Variants in FMN1 observed in about 807,000 individuals in gnomAD.
FMN1 encodes formin 1, also known as formin-1.
FMN1 carries 110 observed loss-of-function variants against 132.4 expected under a neutral mutation model. The observed-to-expected ratio is 0.83, with a 90% CI of 0.71 to 0.97. The LOEUF (loss-of-function observed/expected upper bound fraction) is 0.97. Ranked by LOEUF, FMN1 falls within the 50% of genes least tolerant of loss-of-function variation. The pLI, the probability that FMN1 is intolerant of heterozygous loss-of-function variation, is 0.00. For synonymous variants in FMN1, 722 were observed against 651.7 expected (o/e 1.11, Z -1.64); for missense variants, 1,792 against 1,705.3 (o/e 1.05, Z -0.90).
Position 33,097,762 on chromosome 15 carries a change from C to A in FMN1, c.1868-8788G>T, listed in dbSNP as rs1454995. Among the ~76,000 whole-genome samples, 36 of 152,276 alleles carry A rather than the reference C, an allele frequency of 2.4e-4. 1 individual carries two copies. The South Asian group carries it at 7.1e-3, about 30-fold the overall frequency. The stretch of plus-strand genomic sequence containing the variant: ...GCATTAATAACAGAACTTCAAAATA[C>A]ATGAAGCAAAACTATCAGAACTGAA... On this transcript the variant is annotated intron_variant, in intron 4 of 20. Transcript: ENST00000616417.
intron 17 of FMN1, among the ~76,000 whole-genome samples, chr15:32,852,584 T>C (rs2059032920): frequency 6.6e-6 from 1 of 152,074 alleles, no homozygotes; most frequent in Non-Finnish European, 1.5e-5. Context: ...CCAGGCTGGT[T>C]TCAAACTCCT....
At chr15:32,838,097 C>T (rs745330817) in intron 17 of FMN1, among the ~76,000 whole-genome samples, 4 of 151,966 alleles carry the variant, frequency 2.6e-5, no homozygotes, top group Admixed American at 6.6e-5. Flanking sequence ...AAGGCCGGCA[C>T]GTTCACAACA....
chr15:32,993,967 G>A (rs1419913869), intron 7 of FMN1, among the ~76,000 whole-genome samples: 1 of 151,964 alleles, frequency 6.6e-6, no homozygotes, highest in Non-Finnish European at 1.5e-5. Flanking sequence ...CCTCTGCTCA[G>A]AATTAGTCAG....
intron 6 of FMN1, among the ~76,000 whole-genome samples, chr15:33,041,807 G>A (rs1282674303): frequency 6.6e-6 from 1 of 152,126 alleles, no homozygotes; most frequent in African/African-American, 2.4e-5. Context: ...AATGCACATA[G>A]TGTCAGTTTT....
intron 9 of FMN1, among the ~76,000 whole-genome samples, chr15:32,934,619 G>GTTTT (rs1567421700): frequency 1.4e-5 from 2 of 139,660 alleles, no homozygotes; most frequent in Non-Finnish European, 1.5e-5. Flanking sequence ...TTTTTTTTGG[G>GTTTT]TGGGGAGGAC....
chr15:32,814,837 G>A (rs1352081180), intron 17 of FMN1, among the ~76,000 whole-genome samples: 3 of 152,066 alleles, frequency 2.0e-5, no homozygotes, highest in African/African-American at 7.2e-5. Context: ...TTTATAAATC[G>A]GTAACTTGTT....
At chr15:33,013,641 C>T (rs11633931) in intron 6 of FMN1, among the ~76,000 whole-genome samples, 53,230 of 151,974 alleles carry the variant, frequency 0.35, 9,489 homozygotes, top group African/African-American at 0.41. Context: ...ACATTCGTTT[C>T]CTCAAATATC....
intron 7 of FMN1, among the ~76,000 whole-genome samples, chr15:32,978,060 T>C (rs1004774369): frequency 2.6e-5 from 4 of 152,070 alleles, no homozygotes; most frequent in African/African-American, 9.7e-5. Context: ...TTTCACCATG[T>C]TGGCCAGGAT....
rs752816612 is a variant in FMN1 at position 32,769,726 on chromosome 15, CCACA to C, written c.*4580_*4583del. 2.6e-5 allele frequency: 4 copies of C among 152,204 alleles called. No individual in the cohort carries two copies. The highest frequency in any genetic ancestry group is 4.4e-5 in the Non-Finnish European group (3 of 68,044). The allele number at this position is 152,204 out of a possible 1,614,324, so 9.4% of individuals were successfully genotyped here. A position where few individuals can be genotyped will look rare whatever the true frequency, so the allele number is the denominator to read the frequency against. On this transcript the variant is annotated 3_prime_UTR_variant, in exon 21 of 21. Transcript: ENST00000616417. ...CTCTTTTCAAATCCCATCAGCTTGG[CCACA>C]CAGACTGGTTTCATCTGTGTTGCAG...
chr15:33,146,314 G>C (rs1328787321), intron 4 of FMN1, among the ~76,000 whole-genome samples: 2 of 152,046 alleles, frequency 1.3e-5, no homozygotes, highest in African/African-American at 2.4e-5. Context: ...TCAAGTGTAG[G>C]GGCCCTCCCA....
chr15:32,809,407 A>G (rs1365320985), intron 17 of FMN1, among the ~76,000 whole-genome samples: 2 of 152,124 alleles, frequency 1.3e-5, no homozygotes, highest in African/African-American at 2.4e-5. Flanking sequence ...TTTTCTGCTT[A>G]ATGTTCTCAC....
At chr15:32,824,760 C>G (rs1302898553) in intron 17 of FMN1, among the ~76,000 whole-genome samples, 1 of 152,190 alleles carries the variant, frequency 6.6e-6, no homozygotes, top group African/African-American at 2.4e-5. Flanking sequence ...TGCCCCAGCC[C>G]TCTGTTTTAT....
At chr15:33,181,638 A>T (rs574414022) in intron 2 of FMN1, among the ~76,000 whole-genome samples, 1 of 152,088 alleles carries the variant, frequency 6.6e-6, no homozygotes, top group South Asian at 2.1e-4. Context: ...TTCAATGGAA[A>T]GTTATTGGAG....
intron 4 of FMN1, among the ~76,000 whole-genome samples, chr15:33,137,461 G>T (rs1179513429): frequency 6.6e-6 from 1 of 152,192 alleles, no homozygotes; most frequent in Non-Finnish European, 1.5e-5. Flanking sequence ...AAGGAAATCT[G>T]TATGATTCCA....
intron 16 of FMN1, among the ~76,000 whole-genome samples, chr15:32,859,614 G>A (rs10519759): frequency 0.25 from 38,394 of 152,136 alleles, 5,241 homozygotes; most frequent in East Asian, 0.4. Context: ...TCTGCACAGT[G>A]TTTATGTTTT....
intron 4 of FMN1, among the ~76,000 whole-genome samples, chr15:33,097,591 G>C (rs2039137297): frequency 6.6e-6 from 1 of 152,172 alleles, no homozygotes. Context: ...ACAGTGGAAA[G>C]AGAACTTTAA....
At chr15:33,037,127 CAA>C (rs1335939918) in intron 6 of FMN1, among the ~76,000 whole-genome samples, 1 of 152,188 alleles carries the variant, frequency 6.6e-6, no homozygotes, top group Non-Finnish European at 1.5e-5. Context: ...TATAAATTAT[CAA>C]ATAAAATAAA....
chr15:33,054,213 G>C (rs554009528), intron 6 of FMN1, among the ~76,000 whole-genome samples: 12 of 152,220 alleles, frequency 7.9e-5, no homozygotes, highest in African/African-American at 2.6e-4. Flanking sequence ...GAAATTCAAA[G>C]GGTTTTAGGA....
chr15:32,830,084 C>G lies in FMN1; in HGVS notation c.3929-25752G>C, dbSNP rs563806048. Among the ~76,000 whole-genome samples, 124 of 152,112 alleles carry G rather than the reference C, an allele frequency of 8.2e-4. No individual in the cohort carries two copies. The South Asian group carries it at 0.024, about 29-fold the overall frequency. The stretch of plus-strand genomic sequence containing the variant: ...TGGACTAGTGAAGGGAAATTCACTT[C>G]TCTGAATACAGGATCATCCCACATT... On this transcript the variant is annotated intron_variant, in intron 17 of 20. Transcript: ENST00000616417.
Sources: allele counts gnomAD v4.1 joint callset (sites outside exome capture counted in the v4.1 genomes callset), GRCh38; gene constraint gnomAD v4.1.1; transcripts MANE v1.5; gene names NCBI Gene and HGNC (gene_info 2026-07-23, HGNC 2026-07-21).